Variants in C1orf167 observed in about 807,000 individuals in gnomAD.
C1orf167 encodes the protein uncharacterized protein C1orf167.
A neutral mutation model predicts 176.5 loss-of-function variants in C1orf167; 153 were observed. The observed-to-expected ratio is 0.87, with a 90% confidence interval of 0.76 to 0.99. C1orf167 has a LOEUF of 0.99. Ranked by LOEUF, C1orf167 falls within the 50% of genes least tolerant of loss-of-function variation. The pLI is 0.00. For synonymous variants in C1orf167, 594 were observed against 752.7 expected, an observed-to-expected ratio of 0.79 and a Z score of 3.45; for missense variants, 1,490 against 1,817.7, an observed-to-expected ratio of 0.82 and a Z score of 3.28.
chr1:11,768,397 T>C lies in C1orf167; in HGVS notation c.1542+122T>C. 1.1e-6 allele frequency: 1 copy of C among 871,344 alleles called. No individual in the cohort carries two copies. The highest frequency in any genetic ancestry group is 1.6e-6 in the Non-Finnish European group (1 of 639,212). 54.0% of individuals were successfully genotyped at this position (871,344 alleles called of 1,614,324 possible). ...GTGGCACCTCATGAATGATCAGCAG[T>C]AAAGGGTGTAGTTGTGAGTCCACAC... On this transcript the variant is annotated intron_variant, in intron 5 of 20. Transcript: ENST00000688073. The surrounding 1 kb of genome is among the most constrained non-coding windows in gnomAD (Gnocchi z 4.5).
In C1orf167 at chr1:11,768,912, G is replaced by A. The variant is rs891724034; in HGVS notation, c.1543-61G>A. 3 of 982,174 alleles carry A rather than the reference G, an allele frequency of 3.1e-6. No individual in the cohort carries two copies. In the African/African-American group the frequency reaches 5.2e-5, roughly 17 times the overall value. 60.8% of individuals were successfully genotyped at this position (982,174 alleles called of 1,614,324 possible). A position where few individuals can be genotyped will look rare whatever the true frequency, so the allele number is the denominator to read the frequency against. ...TTACTCCTGTCCCCGCCCCTGCCTG[G>A]TGTTCCCTTGGGAGGCAGATTCAAG... On this transcript the variant is annotated intron_variant, in intron 5 of 20. Coordinates refer to ENST00000688073, the MANE Select transcript of C1orf167 (RefSeq NM_001010881.2). The surrounding 1 kb of genome is among the most constrained non-coding windows in gnomAD (Gnocchi z 4.5).
chr1:11,779,535 A>G (rs576250151), intron 12 of C1orf167: 37 of 290,832 alleles, frequency 1.3e-4, no homozygotes, highest in Middle Eastern at 2.6e-3. Context: ...TGCTCAGTCC[A>G]TAGCAATGTT....
intron 19 of C1orf167, 129 bp from the exon 20 acceptor site, chr1:11,788,523 C>G: frequency 9.0e-7 from 1 of 1,107,532 alleles, no homozygotes; most frequent in Non-Finnish European, 1.2e-6. Context: ...CTTAATACTC[C>G]TCAGATGACA....
intron 15 of C1orf167, 90 bp from the exon 16 acceptor site, chr1:11,785,057 GA>G (rs1237383076): frequency 1.8e-6 from 2 of 1,108,794 alleles, no homozygotes; most frequent in East Asian, 1.3e-4. Context: ...GCTGGGCCCG[GA>G]AGGCCCCCTC....
At chr1:11,776,151 G>A (rs966312791) in intron 9 of C1orf167, among the ~76,000 whole-genome samples, 18 of 152,228 alleles carry the variant, frequency 1.2e-4, no homozygotes, top group African/African-American at 3.9e-4. Context: ...CAGCTACTCG[G>A]GAGGCTGAGG....
At position 11,787,425 on chromosome 1, in the gene C1orf167, C is replaced by T; in HGVS notation, c.3605C>T (p.Pro1202Leu). 2.3e-6 allele frequency: 3 copies of T among 1,303,236 alleles called. No homozygotes were observed. Among genetic ancestry groups the T allele is most frequent in the Non-Finnish European group, 3.0e-6 (3 of 988,586 alleles). The allele number at this position is 1,303,236 out of a possible 1,614,324, so 80.7% of individuals were successfully genotyped here. A position where few individuals can be genotyped will look rare whatever the true frequency, so the allele number is the denominator to read the frequency against. Residue 1202 changes from proline (P) to leucine (L), a missense_variant, in exon 17 of 21, where the codon CCT becomes CTT. Transcript: ENST00000688073. ...SCWTQATELV[P>L]PAPSLQCSLG... ...TGGACACAGGCCACAGAGCTGGTGC[C>T]TCCCGCGCCATCACTGCAGTGCAGC...
chr1:11,779,241 T>G (rs1271662239), intron 12 of C1orf167, 161 bp downstream of exon 12: 1 of 645,060 alleles, frequency 1.6e-6, no homozygotes, highest in Non-Finnish European at 2.2e-6. Flanking sequence ...TGAGAGGGTG[T>G]CGGGGAGTGG....
At chr1:11,769,677 T>TG (rs967504255) in intron 6 of C1orf167, among the ~76,000 whole-genome samples, 1 of 150,396 alleles carries the variant, frequency 6.6e-6, no homozygotes, top group African/African-American at 2.4e-5. Context: ...TTAGGAAGTT[T>TG]TTTTTTTTTT....
chr1:11,772,148 C>G lies in C1orf167; in HGVS notation c.1877C>G (p.Thr626Ser). Reference protein sequence around the residue: ...RQERETLRKATRATQRTGSFP... With the variant: ...RQERETLRKASRATQRTGSFP... ...GAGAGGGAGACTCTGCGGAAGGCCACCAGGGCCACACAGAGGACAGGGAGC... is the reference window on the plus strand; with the variant it reads ...GAGAGGGAGACTCTGCGGAAGGCCAGCAGGGCCACACAGAGGACAGGGAGC... The change falls in exon 8 of 21, where the codon ACC becomes AGC. Residue 626 changes from threonine to serine, a missense_variant. Coordinates refer to ENST00000688073, the MANE Select transcript of C1orf167 (RefSeq NM_001010881.2). 7.7e-7 allele frequency: 1 copy of G among 1,304,324 alleles called. No homozygotes were observed. The highest frequency in any genetic ancestry group is 1.0e-6 in the Non-Finnish European group (1 of 988,946). The allele number at this position is 1,304,324 out of a possible 1,614,324, so 80.8% of individuals were successfully genotyped here.
At chr1:11,775,307 C>A in intron 8 of C1orf167, 128 bp from the exon 9 acceptor site, 1 of 662,062 alleles carries the variant, frequency 1.5e-6, no homozygotes, top group Non-Finnish European at 2.2e-6. Context: ...AACAACAAAA[C>A]ACGGAGGCTC....
At position 11,788,196 on chromosome 1, in the gene C1orf167, C is replaced by T; in HGVS notation, c.3896C>T (p.Ser1299Phe). Residue 1299 changes from serine (S) to phenylalanine (F), a missense_variant, in exon 19 of 21, where the codon TCT becomes TTT. Physicochemically the swap from Ser to Phe is radical, Grantham distance 155 (BLOSUM62 -2). Coordinates refer to ENST00000688073, the MANE Select transcript of C1orf167 (RefSeq NM_001010881.2). ...GAAAAGCAGGCCCAGGCCCATGGCT[C>T]TGCCCTCCTTCTGGCCCTGAAGGGT... ...ILEKQAQAHG[S>F]ALLLALKGHD... 1.5e-6 allele frequency: 2 copies of T among 1,299,088 alleles called. No homozygotes were observed. The highest frequency in any genetic ancestry group is 2.0e-6 in the Non-Finnish European group (2 of 984,744). 80.5% of individuals were successfully genotyped at this position (1,299,088 alleles called of 1,614,324 possible).
At position 11,776,515 on chromosome 1, in the gene C1orf167, TGGGCCAGGCCCA is replaced by T. The variant is rs1402580609; in HGVS notation, c.2220_2231del (p.Ala742_Gln745del). Reference sequence around the variant, plus strand: ...CCTGGAGCCTGTGGCCTGGGTGCAGTGGGCCAGGCCCAGGGGCAGCAGGAGCAAGGCCGGGGC... The same window carrying T: ...CCTGGAGCCTGTGGCCTGGGTGCAGTGGGGCAGCAGGAGCAAGGCCGGGGC... On this transcript the variant is annotated inframe_deletion, in exon 10 of 21. Transcript: ENST00000688073. 3.8e-6 allele frequency: 5 copies of T among 1,299,714 alleles called. No individual in the cohort carries two copies. Among genetic ancestry groups the T allele is most frequent in the Admixed American group, 2.3e-5 (1 of 42,710 alleles). The allele number at this position is 1,299,714 out of a possible 1,614,324, so 80.5% of individuals were successfully genotyped here. A position where few individuals can be genotyped will look rare whatever the true frequency, so the allele number is the denominator to read the frequency against.
chr1:11,765,732 TG>T, intron 2 of C1orf167, 124 bp from the exon 3 acceptor site: 1 of 934,370 alleles, frequency 1.1e-6, no homozygotes, highest in South Asian at 2.1e-5. Flanking sequence ...CAGAAGACCC[TG>T]GAAGTCTTAG....
chr1:11,769,674 G>GTT (rs70983593), intron 6 of C1orf167, among the ~76,000 whole-genome samples: 6,686 of 142,050 alleles, frequency 0.047, 406 homozygotes, highest in African/African-American at 0.14. Context: ...TGTTTAGGAA[G>GTT]TTTTTTTTTT....
chr1:11,773,189 G>A (rs571621913), intron 8 of C1orf167, among the ~76,000 whole-genome samples: 1 of 151,380 alleles, frequency 6.6e-6, no homozygotes, highest in Non-Finnish European at 1.5e-5. Context: ...CACCGCACCC[G>A]GCCTGTGGGG....
chr1:11,762,415 G>C (rs1037171071), intron 1 of C1orf167, 110 bp downstream of exon 1: 26 of 349,512 alleles, frequency 7.4e-5, no homozygotes, highest in Middle Eastern at 5.5e-4. Flanking sequence ...GGAGTGGGAG[G>C]GGGGAGTCTG....
At chr1:11,787,347 G>A in intron 16 of C1orf167, 41 bp from the exon 17 acceptor site, 1 of 1,208,950 alleles carries the variant, frequency 8.3e-7, no homozygotes, top group Non-Finnish European at 1.1e-6. Flanking sequence ...GGAAGTCCAA[G>A]CCCATGGGGT....
chr1:11,765,642 C>G (rs1015084337), intron 2 of C1orf167, among the ~76,000 whole-genome samples: 1 of 152,166 alleles, frequency 6.6e-6, no homozygotes, highest in African/African-American at 2.4e-5. Context: ...CTCTCTGCTT[C>G]CCTCTGTCCA....
At chr1:11,767,140 G>A in intron 3 of C1orf167, 55 bp downstream of exon 3, 2 of 1,280,696 alleles carry the variant, frequency 1.6e-6, no homozygotes, top group Admixed American at 4.6e-5. Flanking sequence ...GTTGCTCCAG[G>A]GCAGGGAGGC....
Sources: gnomAD v4.1 joint callset for allele counts (sites outside exome capture counted in the v4.1 genomes callset) on GRCh38, gnomAD v4.1.1 for gene constraint, Gnocchi (gnomAD v3.1) non-coding constraint, MANE v1.5 for transcripts, NCBI Gene and HGNC (gene_info 2026-07-23, HGNC 2026-07-21) for gene names.